PTPRO: variants seen among roughly 807,000 people sequenced by gnomAD.
PTPRO encodes the protein protein tyrosine phosphatase receptor type O, also known as receptor-type tyrosine-protein phosphatase O.
PTPRO carries 62 observed loss-of-function variants against 145.2 expected under a neutral mutation model. The observed-to-expected ratio is 0.43, with a 90% CI of 0.35 to 0.53. The LOEUF (loss-of-function observed/expected upper bound fraction) is 0.53. Among genes scored for constraint, PTPRO ranks in the 20% least tolerant of loss-of-function variants. The pLI, the probability that PTPRO is intolerant of heterozygous loss-of-function variation, is 0.01. For synonymous variants in PTPRO, 565 were observed against 514.7 expected, an observed-to-expected ratio of 1.10 and a Z score of -1.32; for missense variants, 1,345 against 1,482.7, an observed-to-expected ratio of 0.91 and a Z score of 1.53.
At chr12:15,535,861 T>C (rs1160793424) in intron 12 of PTPRO, among the ~76,000 whole-genome samples, 1 of 152,180 alleles carries the variant, frequency 6.6e-6, no homozygotes. Flanking sequence ...TTTATAGAGA[T>C]TAGAAATCTT....
intron 1 of PTPRO, among the ~76,000 whole-genome samples, chr12:15,464,564 C>A (rs1941375715): frequency 6.6e-6 from 1 of 151,300 alleles, no homozygotes; most frequent in African/African-American, 2.4e-5. Flanking sequence ...GGGGTTTCAC[C>A]ATCTTGGCCA....
At chr12:15,567,674 G>A (rs1943935382) in intron 18 of PTPRO, among the ~76,000 whole-genome samples, 1 of 152,162 alleles carries the variant, frequency 6.6e-6, no homozygotes. Flanking sequence ...ACCAGCCAGA[G>A]AGTGCAGTTC....
At chr12:15,329,888 A>G (rs1309227840) in intron 1 of PTPRO, among the ~76,000 whole-genome samples, 7 of 152,242 alleles carry the variant, frequency 4.6e-5, no homozygotes, top group Non-Finnish European at 8.8e-5. Context: ...GTCCTGAAGC[A>G]TAGGTACGAG....
intron 1 of PTPRO, among the ~76,000 whole-genome samples, chr12:15,407,491 A>G (rs1939680098): frequency 6.6e-6 from 1 of 152,220 alleles, no homozygotes; most frequent in South Asian, 2.1e-4. Context: ...AGAGAAACAG[A>G]AAAATCAGAA....
At position 15,504,080 on chromosome 12, in the gene PTPRO, AAG is replaced by A. The variant is rs1182020921; in HGVS notation, c.1267+15_1267+16del. The A allele has an allele frequency of 2.5e-6, 4 of 1,605,112 alleles. No homozygotes were observed. In the African/African-American group the frequency reaches 5.4e-5, roughly 21 times the overall value. ...TCAGCTTTTATATCAGTAAGTAACA[AAG>A]AGATCATTTTACACTTACTGGGGAG... On this transcript the variant is annotated intron_variant, in intron 6 of 26. Coordinates refer to ENST00000281171, the MANE Select transcript of PTPRO (RefSeq NM_030667.3).
chr12:15,542,302 C>T (rs1397382473), intron 12 of PTPRO, among the ~76,000 whole-genome samples: 1 of 152,148 alleles, frequency 6.6e-6, no homozygotes, highest in Non-Finnish European at 1.5e-5. Context: ...TTGGGCCACA[C>T]ATAAAATATG....
chr12:15,570,164 G>T (rs560392639), intron 19 of PTPRO, among the ~76,000 whole-genome samples: 13 of 152,264 alleles, frequency 8.5e-5, no homozygotes, highest in African/African-American at 2.9e-4. Context: ...TCAGCAGTGT[G>T]GGGGAAGATA....
intron 1 of PTPRO, among the ~76,000 whole-genome samples, chr12:15,458,977 G>A (rs1347058262): frequency 6.6e-6 from 1 of 152,036 alleles, no homozygotes; most frequent in African/African-American, 2.4e-5. Context: ...TCAAACAAAA[G>A]AAGACCTTCA....
chr12:15,454,391 T>C (rs1196468083), intron 1 of PTPRO, among the ~76,000 whole-genome samples: 2 of 152,212 alleles, frequency 1.3e-5, no homozygotes, highest in Non-Finnish European at 2.9e-5. Flanking sequence ...TTAAGGACTT[T>C]CCCATTTTTT....
intron 1 of PTPRO, among the ~76,000 whole-genome samples, chr12:15,436,429 A>T (rs1243545681): frequency 6.6e-6 from 1 of 152,226 alleles, no homozygotes; most frequent in Non-Finnish European, 1.5e-5. Context: ...TTGCTGTGAC[A>T]GTTTTAAACA....
At chr12:15,376,975 A>G (rs534590189) in intron 1 of PTPRO, among the ~76,000 whole-genome samples, 73 of 152,284 alleles carry the variant, frequency 4.8e-4, no homozygotes, top group African/African-American at 1.6e-3. Context: ...TATGATTTAA[A>G]AGACAGTTGC....
intron 1 of PTPRO, chr12:15,439,923 A>G (rs1032252381): frequency 6.0e-6 from 4 of 672,032 alleles, no homozygotes; most frequent in South Asian, 1.6e-5. Flanking sequence ...GGGGACTACA[A>G]TGGCCACATC....
At chr12:15,508,465 A>T (rs1942368751) in intron 6 of PTPRO, 106 bp from the exon 7 acceptor site, 1 of 1,202,272 alleles carries the variant, frequency 8.3e-7, no homozygotes. Context: ...CTTTCTTTGA[A>T]TCTCATTGTA....
chr12:15,542,102 AG>A (rs771481219), intron 12 of PTPRO, among the ~76,000 whole-genome samples: 31 of 152,346 alleles, frequency 2.0e-4, no homozygotes, highest in South Asian at 4.1e-4. Flanking sequence ...CCCATAACAA[AG>A]ATAGAAAGCA....
At chr12:15,453,078 C>G (rs1591824490) in intron 1 of PTPRO, among the ~76,000 whole-genome samples, 1 of 152,064 alleles carries the variant, frequency 6.6e-6, no homozygotes, top group East Asian at 1.9e-4. Context: ...AAAAACCCAT[C>G]ATAGAAAATA....
chr12:15,367,215 G>C (rs1054699586), intron 1 of PTPRO, among the ~76,000 whole-genome samples: 4 of 152,102 alleles, frequency 2.6e-5, no homozygotes, highest in Middle Eastern at 3.2e-3. Flanking sequence ...ATAGGCAAAC[G>C]TTTCTGAAGC....
chr12:15,572,743 C>T (rs1944083984), intron 19 of PTPRO, among the ~76,000 whole-genome samples: 1 of 74,412 alleles, frequency 1.3e-5, no homozygotes, highest in Non-Finnish European at 4.3e-5. Flanking sequence ...TTCTCATCAC[C>T]TTAGTTTCTT....
chr12:15,355,563 C>A (rs906380732), intron 1 of PTPRO, among the ~76,000 whole-genome samples: 2 of 152,200 alleles, frequency 1.3e-5, no homozygotes, highest in Non-Finnish European at 2.9e-5. Context: ...TGGAGATTAA[C>A]TTTAATATCT....
intron 25 of PTPRO, among the ~76,000 whole-genome samples, chr12:15,592,396 C>T (rs1254086194): frequency 6.6e-6 from 1 of 152,102 alleles, no homozygotes; most frequent in Admixed American, 6.5e-5. Flanking sequence ...CCACATAGAC[C>T]ATATTTCCTC....
Sources: gnomAD v4.1 joint callset for allele counts (sites outside exome capture counted in the v4.1 genomes callset) on GRCh38, gnomAD v4.1.1 for gene constraint, MANE v1.5 for transcripts, NCBI Gene and HGNC (gene_info 2026-07-23, HGNC 2026-07-21) for gene names.